Variants in GRIK2 observed in about 807,000 individuals in gnomAD.
The protein encoded by GRIK2 is glutamate ionotropic receptor kainate type subunit 2.
Under a neutral mutation model 100.3 loss-of-function variants are expected in GRIK2, and 32 were observed. The observed-to-expected ratio is 0.32, with a 90% CI of 0.24 to 0.43. GRIK2 has a LOEUF of 0.43. Ranked by LOEUF, GRIK2 falls within the 20% of genes least tolerant of loss-of-function variation. The pLI, the probability that GRIK2 is intolerant of heterozygous loss-of-function variation, is 1.00. For synonymous variants in GRIK2, 417 were observed against 389.4 expected, an observed-to-expected ratio of 1.07 and a Z score of -0.83; for missense variants, 843 against 1,114.9, an observed-to-expected ratio of 0.76 and a Z score of 3.47.
At chr6:102,029,396 A>G (rs1769868203) in intron 14 of GRIK2, among the ~76,000 whole-genome samples, 1 of 151,188 alleles carries the variant, frequency 6.6e-6, no homozygotes, top group African/African-American at 2.4e-5. Flanking sequence ...CTTCTATGTC[A>G]ATTTGCATAC....
At chr6:101,723,456 C>T (rs1439380395) in intron 7 of GRIK2, among the ~76,000 whole-genome samples, 2 of 151,914 alleles carry the variant, frequency 1.3e-5, no homozygotes, top group African/African-American at 2.4e-5. Flanking sequence ...AAATACCTTG[C>T]AACATTTTTT....
intron 4 of GRIK2, among the ~76,000 whole-genome samples, chr6:101,630,878 C>T (rs1247854373): frequency 6.6e-6 from 1 of 151,854 alleles, no homozygotes; most frequent in East Asian, 1.9e-4. Flanking sequence ...TTTTTCCTTT[C>T]CATATTTATT....
Position 101,760,679 on chromosome 6 carries a change from TTTAA to T in GRIK2, c.952-38965_952-38962del, listed in dbSNP as rs1378208894. Among the ~76,000 whole-genome samples the T allele has an allele frequency of 1.8e-5, 2 of 108,526 alleles. 1 individual carries two copies. Among genetic ancestry groups the T allele is most frequent in the Non-Finnish European group, 3.3e-5 (2 of 59,878 alleles). 71.2% of individuals were successfully genotyped at this position (108,526 alleles called of 152,430 possible). A position where few individuals can be genotyped will look rare whatever the true frequency, so the allele number is the denominator to read the frequency against. On this transcript the variant is annotated intron_variant, in intron 7 of 16. Transcript: ENST00000369134. ...ATGTTTAATTATATATAATTATATATTTAATTATATATAATTATATATAATTATA... is the reference window on the plus strand; with the variant it reads ...ATGTTTAATTATATATAATTATATATTTATATATAATTATATATAATTATA...
intron 4 of GRIK2, among the ~76,000 whole-genome samples, chr6:101,645,346 A>G (rs1267250243): frequency 6.6e-6 from 1 of 151,768 alleles, no homozygotes; most frequent in Non-Finnish European, 1.5e-5. Flanking sequence ...CTCTCAGGAG[A>G]TTAGCTTCCC....
chr6:101,485,634 A>G (rs1290389673), intron 2 of GRIK2, among the ~76,000 whole-genome samples: 1 of 152,200 alleles, frequency 6.6e-6, no homozygotes, highest in Non-Finnish European at 1.5e-5. Flanking sequence ...AAATATTAGT[A>G]GAGTTGATTA....
intron 2 of GRIK2, among the ~76,000 whole-genome samples, chr6:101,563,148 C>G (rs1437511307): frequency 6.6e-6 from 1 of 152,142 alleles, no homozygotes; most frequent in Non-Finnish European, 1.5e-5. Flanking sequence ...ATATGCGACA[C>G]ATGTTTTTAA....
chr6:101,979,133 CA>C (rs1793569592), intron 14 of GRIK2, among the ~76,000 whole-genome samples: 1 of 151,756 alleles, frequency 6.6e-6, no homozygotes, highest in Admixed American at 6.6e-5. Flanking sequence ...TGATAGCAAA[CA>C]AAGGGTAAGA....
chr6:101,693,910 T>C (rs576419069), intron 7 of GRIK2, among the ~76,000 whole-genome samples: 2 of 152,176 alleles, frequency 1.3e-5, no homozygotes, highest in African/African-American at 2.4e-5. Flanking sequence ...CTTCAACAGC[T>C]ATATGGTTTT....
At chr6:101,899,102 G>T (rs374443762) in intron 12 of GRIK2, among the ~76,000 whole-genome samples, 12,833 of 130,082 alleles carry the variant, frequency 0.099, 733 homozygotes, top group Middle Eastern at 0.25. Context: ...TGTTGTTTTT[G>T]TTTTTTTTTT....
intron 12 of GRIK2, among the ~76,000 whole-genome samples, chr6:101,911,591 A>T (rs916912871): frequency 1.3e-5 from 2 of 151,382 alleles, no homozygotes; most frequent in African/African-American, 4.8e-5. Flanking sequence ...CTATTTTAAC[A>T]TTGCCGTTCC....
intron 14 of GRIK2, among the ~76,000 whole-genome samples, chr6:101,932,827 C>T (rs955068078): frequency 6.6e-6 from 1 of 151,798 alleles, no homozygotes; most frequent in African/African-American, 2.4e-5. Context: ...TAACATAAAC[C>T]TTTATTTATC....
chr6:101,861,020 G>A lies in GRIK2; in HGVS notation c.1524+1527G>A, dbSNP rs112470697. ...TAGGGCTCCATAAAATAGTGTGCTC[G>A]TGAGCACTTGGTAAGGCAAAGGTGA... On this transcript the variant is annotated intron_variant, in intron 11 of 16. Coordinates refer to ENST00000369134, the MANE Select transcript of GRIK2 (RefSeq NM_021956.5). 32 of 358,886 alleles carry A rather than the reference G, an allele frequency of 8.9e-5. No individual in the cohort carries two copies. The East Asian group carries it at 2.8e-3, about 31-fold the overall frequency. The allele number at this position is 358,886 out of a possible 1,614,324, so 22.2% of individuals were successfully genotyped here. A position where few individuals can be genotyped will look rare whatever the true frequency, so the allele number is the denominator to read the frequency against.
chr6:101,844,035 C>G (rs1783669001), intron 10 of GRIK2, among the ~76,000 whole-genome samples: 1 of 151,778 alleles, frequency 6.6e-6, no homozygotes, highest in Non-Finnish European at 1.5e-5. Flanking sequence ...ATAGATTATA[C>G]TGAATGAATG....
rs538103260 is a variant in GRIK2, at chr6:101,499,683, G to A, written c.115+100291G>A. Among the ~76,000 whole-genome samples the A allele has an allele frequency of 4.6e-5, 7 of 151,988 alleles. No homozygotes were observed. The South Asian group carries it at 6.2e-4, about 14-fold the overall frequency. On this transcript the variant is annotated intron_variant, in intron 2 of 16. Transcript: ENST00000369134. ...CATTAAATTTGTTGTTTTCAAATTG[G>A]AGTATATTATTTGTGTTAGATTTAA... is the stretch of plus-strand genomic sequence containing the variant.
intron 7 of GRIK2, among the ~76,000 whole-genome samples, chr6:101,704,683 G>A (rs906298660): frequency 2.7e-5 from 4 of 150,118 alleles, no homozygotes; most frequent in South Asian, 2.1e-4. Context: ...CCCACCCCCC[G>A]AAAAAAACCC....
intron 10 of GRIK2, among the ~76,000 whole-genome samples, chr6:101,857,317 G>T (rs1369893262): frequency 6.6e-6 from 1 of 152,180 alleles, no homozygotes; most frequent in Non-Finnish European, 1.5e-5. Context: ...GAAACAACGT[G>T]CCAATCTCTG....
At chr6:101,801,262 C>T (rs1260607701) in intron 8 of GRIK2, among the ~76,000 whole-genome samples, 3 of 151,986 alleles carry the variant, frequency 2.0e-5, no homozygotes, top group African/African-American at 7.2e-5. Flanking sequence ...TGGTTAGTCA[C>T]TTGAAAGTTT....
intron 1 of GRIK2, among the ~76,000 whole-genome samples, chr6:101,396,579 A>C (rs983003942): frequency 6.6e-6 from 1 of 152,222 alleles, no homozygotes; most frequent in African/African-American, 2.4e-5. Context: ...AAAAATACAC[A>C]CAACACAGTT....
intron 7 of GRIK2, among the ~76,000 whole-genome samples, chr6:101,765,415 T>G (rs943984779): frequency 6.6e-6 from 1 of 152,182 alleles, no homozygotes; most frequent in Non-Finnish European, 1.5e-5. Flanking sequence ...CTTCTGAATC[T>G]AAATGACATT....
Sources: gnomAD v4.1 joint callset for allele counts (sites outside exome capture counted in the v4.1 genomes callset) on GRCh38, gnomAD v4.1.1 for gene constraint, MANE v1.5 for transcripts, NCBI Gene and HGNC (gene_info 2026-07-23, HGNC 2026-07-21) for gene names.